The following GNB4 variants were observed in gnomAD, a reference collection of about 807,000 sequenced individuals.
GNB4 encodes guanine nucleotide-binding protein subunit beta-4.
A neutral mutation model predicts 45.2 loss-of-function variants in GNB4; 28 were observed. The ratio of observed to expected loss-of-function variants is 0.62; its 90% CI spans 0.46 to 0.85. GNB4 has a LOEUF of 0.85. GNB4 is among the 40% of genes least tolerant of loss of function. The pLI is 0.00. For missense variants in GNB4, 321 were observed against 425.4 expected (o/e 0.75, Z 2.16); for synonymous variants, 132 against 143.7 (o/e 0.92, Z 0.58).
At chr3:179,403,805 T>A (rs12634717) in intron 9 of GNB4, among the ~76,000 whole-genome samples, 22,332 of 141,458 alleles carry the variant, frequency 0.16, 2,244 homozygotes, top group East Asian at 0.32. Flanking sequence ...CTCAAAAAAA[T>A]AAAATAAAAT....
intron 2 of GNB4, among the ~76,000 whole-genome samples, chr3:179,422,600 A>C (rs1387057058): frequency 6.6e-6 from 1 of 152,236 alleles, no homozygotes; most frequent in East Asian, 1.9e-4. Context: ...GAAAGATGAT[A>C]CATACTTTTT....
the GNB4 span, among the ~76,000 whole-genome samples, chr3:179,487,722 A>G: frequency 4.6e-5 from 7 of 152,168 alleles, no homozygotes; most frequent in Admixed American, 6.5e-5. Flanking sequence ...CTAGCAGCTA[A>G]ACAAGCACTG....
the GNB4 span, among the ~76,000 whole-genome samples, chr3:179,525,949 C>T: frequency 2.6e-5 from 4 of 152,260 alleles, no homozygotes; most frequent in Admixed American, 6.5e-5. Context: ...TCCTGGGTTT[C>T]GGCACCAAAT....
chr3:179,526,295 T>C, the GNB4 span, among the ~76,000 whole-genome samples: 1 of 152,184 alleles, frequency 6.6e-6, no homozygotes, highest in Admixed American at 6.5e-5. Context: ...TCTGGATATA[T>C]ATGTGCAGGT....
the GNB4 span, among the ~76,000 whole-genome samples, chr3:179,525,617 C>A: frequency 2.0e-5 from 3 of 152,204 alleles, no homozygotes; most frequent in East Asian, 5.8e-4. Flanking sequence ...GGTGAATAAT[C>A]AGGCAGGCGT....
At chr3:179,472,365 T>C in the GNB4 span, among the ~76,000 whole-genome samples, 2 of 118,004 alleles carry the variant, frequency 1.7e-5, no homozygotes, top group African/African-American at 7.0e-5. Context: ...TCCTTTTCTT[T>C]CTTTCTTTTT....
intron 6 of GNB4, among the ~76,000 whole-genome samples, chr3:179,414,263 T>G (rs950514589): frequency 6.6e-6 from 1 of 152,086 alleles, no homozygotes; most frequent in Admixed American, 6.5e-5. Flanking sequence ...AGAACAACAG[T>G]GAAGACTTTA....
At chr3:179,500,396 T>C in the GNB4 span, among the ~76,000 whole-genome samples, 13 of 152,300 alleles carry the variant, frequency 8.5e-5, no homozygotes, top group East Asian at 3.9e-4. Flanking sequence ...TGGTTGTAGA[T>C]GTGTGGCGTT....
chr3:179,413,727 C>T lies in GNB4; in HGVS notation c.485G>A (p.Gly162Glu). The T allele has an allele frequency of 5.6e-6, 9 of 1,614,146 alleles. No homozygotes were observed. The highest frequency in any genetic ancestry group is 7.6e-6 in the Non-Finnish European group (9 of 1,180,004). Residue 162 changes from glycine to glutamate, a missense_variant, in exon 7 of 10, where the codon GGA (glycine) becomes GAA (glutamate). Transcript: ENST00000232564. ...LDDSQIVTSS[G>E]DTTCALWDIE... ...GGAATAAACTTACCAAGTTGTATCT[C>T]CTGAACTTGTAACAATTTGGCTGTC... is the stretch of plus-strand genomic sequence containing the variant.
Position 179,399,338 on chromosome 3 carries a change from G to C in GNB4, c.*1875C>G, listed in dbSNP as rs1255307993. On this transcript the variant is annotated 3_prime_UTR_variant, in exon 10 of 10. Transcript: ENST00000232564. ...CTGCCTCAGCCTCCCGAGTAGCTGG[G>C]ATTACAGGAATGTGCCACCACGCCC... The C allele has an allele frequency of 2.0e-5, 3 of 152,182 alleles. No individual in the cohort carries two copies. Among genetic ancestry groups the C allele is most frequent in the African/African-American group, 7.2e-5 (3 of 41,416 alleles). The allele number at this position is 152,182 out of a possible 1,614,324, so 9.4% of individuals were successfully genotyped here.
rs1228095726 is a variant in GNB4 at position 179,399,265 on chromosome 3, C to CA, written c.*1947dup. 6.6e-6 allele frequency: 1 copy of CA among 151,942 alleles called. No homozygotes were observed. The highest frequency in any genetic ancestry group is 1.5e-5 in the Non-Finnish European group (1 of 68,022). 9.4% of individuals were successfully genotyped at this position (151,942 alleles called of 1,614,324 possible). ...TCGCCTAGGCTGGAGTGCAGTGGCA[C>CA]AATCTCGGCTCACTGCAACCTCTGC... On this transcript the variant is annotated 3_prime_UTR_variant, in exon 10 of 10. Coordinates refer to ENST00000232564, the MANE Select transcript of GNB4 (RefSeq NM_021629.4).
At chr3:179,416,240 T>C (rs1577029568) in intron 5 of GNB4, among the ~76,000 whole-genome samples, 1 of 152,298 alleles carries the variant, frequency 6.6e-6, no homozygotes, top group East Asian at 1.9e-4. Context: ...TATTAGTATA[T>C]GTAAAATGGT....
At chr3:179,486,363 T>A in the GNB4 span, among the ~76,000 whole-genome samples, 1 of 152,336 alleles carries the variant, frequency 6.6e-6, no homozygotes, top group East Asian at 1.9e-4. Flanking sequence ...CCGTATTATG[T>A]GGACATTTCT....
In GNB4 at chr3:179,426,267, A is replaced by G. The variant is rs114557698; in HGVS notation, c.-42-25T>C. Reference sequence around the variant, plus strand: ...GCTGTTAAAAAACAGAGAGCAAGAGAAAGATTCAGTTCTCTACTTACATCT... The same window carrying G: ...GCTGTTAAAAAACAGAGAGCAAGAGGAAGATTCAGTTCTCTACTTACATCT... On this transcript the variant is annotated intron_variant, in intron 1 of 9. Coordinates refer to ENST00000232564, the MANE Select transcript of GNB4 (RefSeq NM_021629.4). 7.3e-4 allele frequency: 873 copies of G among 1,196,684 alleles called. 3 individuals are homozygous for G. In the African/African-American group the frequency reaches 0.012, roughly 16 times the overall value. The allele number at this position is 1,196,684 out of a possible 1,614,324, so 74.1% of individuals were successfully genotyped here. A position where few individuals can be genotyped will look rare whatever the true frequency, so the allele number is the denominator to read the frequency against.
At chr3:179,471,347 G>C in the GNB4 span, among the ~76,000 whole-genome samples, 1 of 152,112 alleles carries the variant, frequency 6.6e-6, no homozygotes, top group Non-Finnish European at 1.5e-5. Flanking sequence ...GACTCACCCA[G>C]AGCAGAGCAA....
chr3:179,461,359 T>A, the GNB4 span, among the ~76,000 whole-genome samples: 1 of 152,218 alleles, frequency 6.6e-6, no homozygotes, highest in South Asian at 2.1e-4. Flanking sequence ...TAGCCAGGTG[T>A]GGTAGCGGGC....
intron 1 of GNB4, among the ~76,000 whole-genome samples, 187 bp from the exon 2 acceptor site, chr3:179,426,429 A>G (rs991597367): frequency 4.6e-5 from 7 of 152,238 alleles, no homozygotes; most frequent in Non-Finnish European, 7.3e-5. Flanking sequence ...GTTGTATACA[A>G]GAACATGATC....
At chr3:179,447,617 G>C (rs1260751983) in intron 1 of GNB4, among the ~76,000 whole-genome samples, 1 of 152,170 alleles carries the variant, frequency 6.6e-6, no homozygotes, top group Non-Finnish European at 1.5e-5. Flanking sequence ...GGGAGACAGA[G>C]AGTGGAAGCT....
intron 1 of GNB4, among the ~76,000 whole-genome samples, chr3:179,440,589 T>C (rs147852113): frequency 3.3e-5 from 5 of 152,226 alleles, no homozygotes; most frequent in Non-Finnish European, 7.4e-5. Flanking sequence ...TAGGCACAAA[T>C]TGACCAAGAA....
Sources: gnomAD v4.1 joint callset for allele counts (sites outside exome capture counted in the v4.1 genomes callset) on GRCh38, gnomAD v4.1.1 for gene constraint, MANE v1.5 for transcripts, NCBI Gene and HGNC (gene_info 2026-07-23, HGNC 2026-07-21) for gene names.